Variants in OPTN observed in about 807,000 individuals in gnomAD.
The protein encoded by OPTN is optineurin, also known as E3-14.7K-interacting protein.
A neutral mutation model predicts 70.4 loss-of-function variants in OPTN; 54 were observed. That is an observed-to-expected ratio of 0.77 (90% confidence interval 0.62 to 0.96). OPTN has a LOEUF of 0.96. Among genes scored for constraint, OPTN ranks in the 40% least tolerant of loss-of-function variants. OPTN has a pLI of 0.00. For synonymous variants in OPTN, 256 were observed against 248.5 expected (o/e 1.03, Z -0.28); for missense variants, 624 against 673.2 (o/e 0.93, Z 0.81).
chr10:13,122,897 G>C, intron 8 of OPTN: 1 of 250,462 alleles, frequency 4.0e-6, no homozygotes, highest in Middle Eastern at 9.8e-4. Context: ...GGATGGTCTT[G>C]ATCTCTTGAC....
chr10:13,136,901 A>C lies in OPTN; in HGVS notation c.*35A>C, dbSNP rs1833713828. On this transcript the variant is annotated 3_prime_UTR_variant, in exon 15 of 15. Coordinates refer to ENST00000378747, the MANE Select transcript of OPTN (RefSeq NM_001008212.2). ...TATCACCTCCCCAAAACTGTTGGTA[A>C]ATGTCAGATTTTTTCCTCCAAGAGT... The C allele has an allele frequency of 1.2e-6, 2 of 1,613,584 alleles. No homozygotes were observed. Among genetic ancestry groups the C allele is most frequent in the Non-Finnish European group, 1.7e-6 (2 of 1,179,734 alleles).
chr10:13,119,473 G>C (rs1391984195), intron 7 of OPTN, among the ~76,000 whole-genome samples: 1 of 152,166 alleles, frequency 6.6e-6, no homozygotes, highest in Non-Finnish European at 1.5e-5. Flanking sequence ...CATTAGAGTT[G>C]TTGCCACTTT....
At position 13,136,803 on chromosome 10, in the gene OPTN, G is replaced by A. The variant is rs766006737; in HGVS notation, c.1671G>A (p.Lys557=). ...QRNIPIHSCP[K]CGEVLPDIDT... is the part of the protein sequence containing the mutation. Reference sequence around the variant, plus strand: ...ATATTCCGATTCATTCCTGCCCCAAGTGTGGAGAGGTTCTGCCTGACATAG... The same window carrying A: ...ATATTCCGATTCATTCCTGCCCCAAATGTGGAGAGGTTCTGCCTGACATAG... The change falls in exon 15 of 15, where the codon AAG becomes AAA. Residue 557 remains lysine, a synonymous_variant. Coordinates refer to ENST00000378747, the MANE Select transcript of OPTN (RefSeq NM_001008212.2). 1 of 1,614,224 alleles carries A rather than the reference G, an allele frequency of 6.2e-7. No individual in the cohort carries two copies. The highest frequency in any genetic ancestry group is 8.5e-7 in the Non-Finnish European group (1 of 1,180,038).
intron 5 of OPTN, among the ~76,000 whole-genome samples, chr10:13,114,535 T>C (rs1185799565): frequency 6.6e-6 from 1 of 151,622 alleles, no homozygotes; most frequent in Non-Finnish European, 1.5e-5. Flanking sequence ...CAGTTATTTT[T>C]AGTGTAAACA....
chr10:13,101,041 T>C (rs1032536655), intron 1 of OPTN, among the ~76,000 whole-genome samples: 10 of 152,200 alleles, frequency 6.6e-5, no homozygotes, highest in African/African-American at 2.4e-4. Context: ...AGGTGCAGGC[T>C]GTGTGAACAG....
intron 1 of OPTN, among the ~76,000 whole-genome samples, chr10:13,102,804 A>C (rs2131468576): frequency 6.6e-6 from 1 of 152,196 alleles, no homozygotes; most frequent in East Asian, 1.9e-4. Context: ...TTAGCTGGGA[A>C]TGGTGGCATG....
chr10:13,109,317 A>G (rs1588433444), intron 3 of OPTN, 29 bp downstream of exon 3: 1 of 1,611,780 alleles, frequency 6.2e-7, no homozygotes, highest in Non-Finnish European at 8.5e-7. Flanking sequence ...TGTGTGCCCC[A>G]TTCATCCTGG....
At chr10:13,118,164 T>G (rs1312331274) in intron 6 of OPTN, among the ~76,000 whole-genome samples, 1 of 152,222 alleles carries the variant, frequency 6.6e-6, no homozygotes, top group Non-Finnish European at 1.5e-5. Context: ...TTTCCAGGTT[T>G]GGAGTTGAAG....
chr10:13,109,183 G>A lies in OPTN; in HGVS notation c.61G>A (p.Gly21Arg). ...EKEDSPSEST[G>R]NGPPHLAHPN... is the part of the protein sequence containing the mutation. Reference sequence around the variant, plus strand: ...GGAGGACAGCCCCAGTGAAAGCACAGGAAATGGACCCCCCCACCTGGCCCA... The same window carrying A: ...GGAGGACAGCCCCAGTGAAAGCACAAGAAATGGACCCCCCCACCTGGCCCA... The change falls in exon 3 of 15, where the codon GGA becomes AGA. Residue 21 changes from glycine (G) to arginine (R), a missense_variant. Physicochemically the swap from Gly to Arg is moderately radical, Grantham distance 125. Coordinates refer to ENST00000378747, the MANE Select transcript of OPTN (RefSeq NM_001008212.2). 1 of 1,614,056 alleles carries A rather than the reference G, an allele frequency of 6.2e-7. No individual in the cohort carries two copies. Among genetic ancestry groups the A allele is most frequent in the Non-Finnish European group, 8.5e-7 (1 of 1,180,024 alleles).
intron 14 of OPTN, among the ~76,000 whole-genome samples, chr10:13,134,327 G>A (rs903338179): frequency 1.3e-5 from 2 of 152,126 alleles, no homozygotes; most frequent in African/African-American, 4.8e-5. Context: ...TCCATGAACT[G>A]TTTCCATTTT....
intron 1 of OPTN, among the ~76,000 whole-genome samples, chr10:13,107,814 G>A (rs1403200549): frequency 6.6e-6 from 1 of 152,176 alleles, no homozygotes; most frequent in Non-Finnish European, 1.5e-5. Context: ...TCAGCGGGGA[G>A]GAGTTGCCTT....
At chr10:13,118,083 T>G (rs1475688347) in intron 6 of OPTN, among the ~76,000 whole-genome samples, 1 of 152,248 alleles carries the variant, frequency 6.6e-6, no homozygotes, top group South Asian at 2.1e-4. Flanking sequence ...CTTCCTCTTT[T>G]AAGCCACATG....
chr10:13,112,853 C>G (rs962060932), intron 5 of OPTN, among the ~76,000 whole-genome samples: 12 of 151,738 alleles, frequency 7.9e-5, no homozygotes, highest in African/African-American at 2.7e-4. Context: ...ATGATGAAAG[C>G]TGTAGTCTTT....
At chr10:13,127,696 A>T (rs369728206) in intron 11 of OPTN, 49 bp from the exon 12 acceptor site, 1 of 1,585,808 alleles carries the variant, frequency 6.3e-7, no homozygotes, top group African/African-American at 1.3e-5. Flanking sequence ...TTACTAAAAC[A>T]GGCAGAATTA....
intron 6 of OPTN, among the ~76,000 whole-genome samples, chr10:13,117,452 T>TG (rs1362923976): frequency 1.3e-5 from 1 of 76,036 alleles, no homozygotes; most frequent in Admixed American, 1.6e-4. Flanking sequence ...TTTTTTTTTT[T>TG]TTTTTTTTTT....
At chr10:13,130,732 T>A (rs552624694) in intron 12 of OPTN, among the ~76,000 whole-genome samples, 6 of 152,196 alleles carry the variant, frequency 3.9e-5, no homozygotes, top group African/African-American at 1.4e-4. Context: ...GGATAATAAT[T>A]TATATCTCAG....
At chr10:13,110,804 T>C (rs1189358138) in intron 4 of OPTN, among the ~76,000 whole-genome samples, 1 of 152,218 alleles carries the variant, frequency 6.6e-6, no homozygotes, top group African/African-American at 2.4e-5. Flanking sequence ...TGTTTTTAGT[T>C]TGTCTTTGAT....
intron 1 of OPTN, among the ~76,000 whole-genome samples, chr10:13,101,835 C>T (rs1015440304): frequency 1.6e-4 from 25 of 152,118 alleles, no homozygotes; most frequent in African/African-American, 5.6e-4. Flanking sequence ...AAACTCCTAA[C>T]AATACTGGCA....
rs2131536039 is a variant in OPTN, at chr10:13,137,352, C to T, written c.*486C>T. ...GAAAAGGTACCTGTTCTACGTAGAA[C>T]ACCTTTGGTGGAGTTCCATCAACTC... On this transcript the variant is annotated 3_prime_UTR_variant, in exon 15 of 15. Coordinates refer to ENST00000378747, the MANE Select transcript of OPTN (RefSeq NM_001008212.2). 3.6e-6 allele frequency: 1 copy of T among 275,474 alleles called. No homozygotes were observed. The highest frequency in any genetic ancestry group is 2.2e-5 in the African/African-American group (1 of 46,380). 17.1% of individuals were successfully genotyped at this position (275,474 alleles called of 1,614,324 possible). A position where few individuals can be genotyped will look rare whatever the true frequency, so the allele number is the denominator to read the frequency against.
Sources: gnomAD v4.1 joint callset for allele counts (sites outside exome capture counted in the v4.1 genomes callset) on GRCh38, gnomAD v4.1.1 for gene constraint, MANE v1.5 for transcripts, NCBI Gene and HGNC (gene_info 2026-07-23, HGNC 2026-07-21) for gene names.